Variants in COL4A5 observed in about 807,000 individuals in gnomAD.
COL4A5 encodes the protein collagen type IV alpha 5 chain.
In COL4A5, 26 loss-of-function variants were observed where a neutral mutation model predicts 130.2. The ratio of observed to expected loss-of-function variants is 0.20; its 90% CI spans 0.15 to 0.28. The LOEUF is 0.28. COL4A5 is among the 10% of genes least tolerant of loss of function. The pLI is 1.00. For missense variants in COL4A5, 1,131 were observed against 1,344.3 expected, an observed-to-expected ratio of 0.84 and a Z score of 2.48; for synonymous variants, 496 against 439.6, an observed-to-expected ratio of 1.13 and a Z score of -1.60.
At chrX:108,633,971 A>G (rs1349596338) in intron 36 of COL4A5, among the ~76,000 whole-genome samples, 1 of 111,737 alleles carries the variant, frequency 8.9e-6, no homozygotes, top group East Asian at 2.8e-4. Flanking sequence ...GCTATGATAT[A>G]TTAACTCTTC....
chrX:108,668,280 C>A, intron 40 of COL4A5, 39 bp from the exon 41 acceptor site: 2 of 1,147,592 alleles, frequency 1.7e-6, no homozygotes, highest in Non-Finnish European at 1.2e-6. Flanking sequence ...GCTTGTAACT[C>A]GGTATTATTT....
chrX:108,587,143 C>G (rs958113979), intron 19 of COL4A5, among the ~76,000 whole-genome samples: 7 of 111,365 alleles, frequency 6.3e-5, no homozygotes, highest in African/African-American at 2.3e-4. Context: ...TCTCTTCTAG[C>G]TGTTTTGAAA....
intron 8 of COL4A5, among the ~76,000 whole-genome samples, chrX:108,572,675 CT>C (rs777699079): frequency 9.0e-6 from 1 of 111,667 alleles, no homozygotes; most frequent in East Asian, 2.8e-4. Flanking sequence ...CTTACGTAGT[CT>C]CTAGTCTCTT....
Position 108,696,321 on chromosome X carries a change from A to G in COL4A5, c.5019A>G (p.Lys1673=). Residue 1673 remains lysine (K), a synonymous_variant, in exon 53 of 53, where the codon AAA becomes AAG. Coordinates refer to ENST00000328300, the MANE Select transcript of COL4A5 (RefSeq NM_033380.3). Reference sequence around the variant, plus strand: ...GTAAACCTCAGTCAGAAACGCTGAAAGCAGGAGACTTGAGGACACGAATTA... The same window carrying G: ...GTAAACCTCAGTCAGAAACGCTGAAGGCAGGAGACTTGAGGACACGAATTA... The part of the protein sequence containing the change: ...MFSKPQSETL[K]AGDLRTRISR... 8.3e-7 allele frequency: 1 copy of G among 1,210,077 alleles called. No individual in the cohort carries two copies. Among genetic ancestry groups the G allele is most frequent in the Non-Finnish European group, 1.1e-6 (1 of 893,816 alleles).
chrX:108,557,375 T>C (rs1358120404), intron 2 of COL4A5, among the ~76,000 whole-genome samples: 2 of 111,853 alleles, frequency 1.8e-5, no homozygotes, highest in East Asian at 5.6e-4. Flanking sequence ...TAAATTATCA[T>C]AATTTAAACA....
chrX:108,670,527 A>G (rs976781692), intron 42 of COL4A5, among the ~76,000 whole-genome samples: 2 of 112,023 alleles, frequency 1.8e-5, no homozygotes, highest in African/African-American at 3.2e-5. Context: ...TACATATTCT[A>G]CCTTTCTTTG....
Position 108,651,708 on chromosome X carries a change from G to A in COL4A5, c.3247-3623G>A, listed in dbSNP as rs145626355. On this transcript the variant is annotated intron_variant, in intron 36 of 52. Transcript: ENST00000328300. ...TGCCTATCTTGCATGGTAAAGGGTA[G>A]TATAGAGCTCATTATCTTTTAAGTT... Among the ~76,000 whole-genome samples, 9 of 111,835 alleles carry A rather than the reference G, an allele frequency of 8.0e-5. No individual in the cohort carries two copies. In the East Asian group the frequency reaches 2.5e-3, roughly 31 times the overall value.
At chrX:108,631,821 T>C (rs1443116969) in intron 36 of COL4A5, among the ~76,000 whole-genome samples, 2 of 111,425 alleles carry the variant, frequency 1.8e-5, no homozygotes, top group Non-Finnish European at 3.8e-5. Flanking sequence ...CTGGGACACA[T>C]TTAAAGCAGT....
chrX:108,692,291 C>T (rs994346486), intron 49 of COL4A5, among the ~76,000 whole-genome samples: 5 of 110,810 alleles, frequency 4.5e-5, no homozygotes, highest in Non-Finnish European at 7.6e-5. Flanking sequence ...TGGCTGTGCA[C>T]ACTGGCCAGC....
Position 108,686,060 on chromosome X carries a change from C to A in COL4A5, c.4246C>A (p.Arg1416Ser). The A allele has an allele frequency of 8.3e-7, 1 of 1,210,761 alleles. No individual in the cohort carries two copies. Residue 1416 changes from arginine (R) to serine (S), a missense_variant, in exon 48 of 53, where the codon CGC becomes AGC. Coordinates refer to ENST00000328300, the MANE Select transcript of COL4A5 (RefSeq NM_033380.3). ...AACTGGCCCTCCAGGAGATCCTGGA[C>A]GCAATGGACTCCCTGGCTTTGATGG... ...GPTGPPGDPG[R>S]NGLPGFDGAG... is the part of the protein sequence containing the mutation.
At chrX:108,615,682 C>T (rs1237796994) in intron 30 of COL4A5, among the ~76,000 whole-genome samples, 1 of 111,526 alleles carries the variant, frequency 9.0e-6, no homozygotes, top group Non-Finnish European at 1.9e-5. Flanking sequence ...TTTCTGGATT[C>T]TGAGCTGTCT....
At chrX:108,629,966 T>A (rs1035805847) in intron 36 of COL4A5, among the ~76,000 whole-genome samples, 1 of 111,590 alleles carries the variant, frequency 9.0e-6, no homozygotes, top group Non-Finnish European at 1.9e-5. Flanking sequence ...GCTTCATCCA[T>A]GTCCCTACAA....
At chrX:108,455,242 G>A (rs2064572606) in intron 1 of COL4A5, among the ~76,000 whole-genome samples, 1 of 111,654 alleles carries the variant, frequency 9.0e-6, no homozygotes, top group African/African-American at 3.3e-5. Context: ...ATTATTTTGA[G>A]ATTCATCCAT....
intron 13 of COL4A5, among the ~76,000 whole-genome samples, chrX:108,579,489 G>T (rs1286990079): frequency 1.8e-5 from 2 of 112,051 alleles, no homozygotes; most frequent in Non-Finnish European, 3.8e-5. Flanking sequence ...TATAAAATTA[G>T]GTTATGGTAA....
chrX:108,631,757 G>C (rs958329900), intron 36 of COL4A5, among the ~76,000 whole-genome samples: 1 of 111,345 alleles, frequency 9.0e-6, no homozygotes, highest in African/African-American at 3.3e-5. Context: ...AATTAAGGCA[G>C]AAATAAAGAT....
intron 36 of COL4A5, among the ~76,000 whole-genome samples, chrX:108,651,260 T>C (rs1403716947): frequency 4.5e-5 from 5 of 111,826 alleles, no homozygotes; most frequent in Admixed American, 1.9e-4. Context: ...ATTGTGATGA[T>C]GGTTGTACAA....
At position 108,695,446 on chromosome X, in the gene COL4A5, T is replaced by A. The variant is rs2068718703; in HGVS notation, c.4994+7T>A. 8.3e-7 allele frequency: 1 copy of A among 1,207,356 alleles called. No individual in the cohort carries two copies. The highest frequency in any genetic ancestry group is 1.1e-6 in the Non-Finnish European group (1 of 893,014). ...ATGTGTCAGACATGTTCAGGTAAAG[T>A]GCTTATAGCTTTAATTCAGGTCCAA... On this transcript the variant is annotated splice_region_variant and intron_variant, in intron 52 of 52. Transcript: ENST00000328300.
chrX:108,633,713 A>T (rs2067305723), intron 36 of COL4A5, among the ~76,000 whole-genome samples: 1 of 111,797 alleles, frequency 8.9e-6, no homozygotes, highest in Non-Finnish European at 1.9e-5. Flanking sequence ...GTGACCTACA[A>T]GTATATTTCA....
At chrX:108,674,851 A>C in intron 43 of COL4A5, 98 bp downstream of exon 43, 1 of 838,353 alleles carries the variant, frequency 1.2e-6, no homozygotes, top group Non-Finnish European at 1.7e-6. Flanking sequence ...TTCAGAAGTC[A>C]TTGGAGAGTG....
Sources: gnomAD v4.1 joint callset for allele counts (sites outside exome capture counted in the v4.1 genomes callset) on GRCh38, gnomAD v4.1.1 for gene constraint, MANE v1.5 for transcripts, NCBI Gene and HGNC (gene_info 2026-07-23, HGNC 2026-07-21) for gene names.